HAO1: variants seen among roughly 807,000 people sequenced by gnomAD.
HAO1 encodes the protein hydroxyacid oxidase 1.
In HAO1, 34 loss-of-function variants were observed where a neutral mutation model predicts 39.7. The observed-to-expected ratio is 0.86, with a 90% CI of 0.65 to 1.14. The LOEUF (loss-of-function observed/expected upper bound fraction) is 1.14. Among genes scored for constraint, HAO1 ranks in the 50% most tolerant of loss-of-function variants. HAO1 has a pLI of 0.00. For synonymous variants in HAO1, 172 were observed against 173.2 expected, an observed-to-expected ratio of 0.99 and a Z score of 0.05; for missense variants, 479 against 464.5, an observed-to-expected ratio of 1.03 and a Z score of -0.29.
chr20:7,888,948 G>A (rs759355987), intron 5 of HAO1, among the ~76,000 whole-genome samples: 17 of 152,128 alleles, frequency 1.1e-4, no homozygotes, highest in Admixed American at 2.0e-4. Flanking sequence ...CATCCCTGCT[G>A]AGCTCATCCT....
chr20:7,938,502 G>A (rs762074416), intron 1 of HAO1, among the ~76,000 whole-genome samples: 10 of 152,052 alleles, frequency 6.6e-5, no homozygotes, highest in Non-Finnish European at 1.5e-4. Context: ...CACATAGGAT[G>A]GGAATACTCA....
chr20:7,909,381 A>ATATATATATATATATATATATATG (rs2050266014), intron 3 of HAO1, among the ~76,000 whole-genome samples: 77 of 72,918 alleles, frequency 1.1e-3, no homozygotes, highest in Middle Eastern at 9.8e-3. Context: ...ATATATATGT[A>ATATATATATATATATATATATATG]TATATATATA....
intron 2 of HAO1, among the ~76,000 whole-genome samples, chr20:7,920,300 T>C (rs894950879): frequency 3.3e-5 from 5 of 152,076 alleles, no homozygotes; most frequent in Non-Finnish European, 4.4e-5. Context: ...TCCTGAGGCC[T>C]CCCCAGCCAT....
At position 7,909,380 on chromosome 20, in the gene HAO1, TATATATA is replaced by T. The variant is rs2050265785; in HGVS notation, c.546-3058_546-3052del. Among the ~76,000 whole-genome samples the T allele has an allele frequency of 4.8e-5, 2 of 41,626 alleles. 1 individual carries two copies. The highest frequency in any genetic ancestry group is 2.9e-4 in the African/African-American group (2 of 6,978). 27.3% of individuals were successfully genotyped at this position (41,626 alleles called of 152,430 possible). ...TATGACATATATATATATATATATG[TATATATA>T]TATATATATATATATATGCTTAAAG... On this transcript the variant is annotated intron_variant, in intron 3 of 7. Transcript: ENST00000378789.
At chr20:7,919,794 A>G (rs1005059503) in intron 2 of HAO1, among the ~76,000 whole-genome samples, 1 of 152,102 alleles carries the variant, frequency 6.6e-6, no homozygotes, top group African/African-American at 2.4e-5. Context: ...CTTTGTATGT[A>G]TTTCTAATTT....
chr20:7,907,777 C>G (rs2050255443), intron 3 of HAO1, among the ~76,000 whole-genome samples: 1 of 152,138 alleles, frequency 6.6e-6, no homozygotes, highest in African/African-American at 2.4e-5. Context: ...ACTCTAGGGG[C>G]AATGTCTTTT....
At chr20:7,903,297 T>TC (rs2122764670) in intron 4 of HAO1, among the ~76,000 whole-genome samples, 1 of 152,334 alleles carries the variant, frequency 6.6e-6, no homozygotes, top group African/African-American at 2.4e-5. Context: ...TATCTTTTTT[T>TC]TTTTTTTTGA....
chr20:7,896,607 ATATT>A (rs1314561543), intron 4 of HAO1, among the ~76,000 whole-genome samples: 1 of 152,134 alleles, frequency 6.6e-6, no homozygotes, highest in Non-Finnish European at 1.5e-5. Context: ...TATAGACTAA[ATATT>A]TATATCCTCT....
At chr20:7,902,456 A>AT (rs1430163292) in intron 4 of HAO1, among the ~76,000 whole-genome samples, 1 of 152,192 alleles carries the variant, frequency 6.6e-6, no homozygotes, top group Non-Finnish European at 1.5e-5. Context: ...GGAGTAACGT[A>AT]TTTTTTAATT....
In HAO1 at chr20:7,926,612, A is replaced by G. The variant is rs6140462; in HGVS notation, c.289+7872T>C. On this transcript the variant is annotated intron_variant, in intron 2 of 7. Transcript: ENST00000378789. Reference sequence around the variant, plus strand: ...AATCTTGGAAAATCCAGAAAATTCAACAGCTAAAACTCTCACCTACACCCT... The same window carrying G: ...AATCTTGGAAAATCCAGAAAATTCAGCAGCTAAAACTCTCACCTACACCCT... 2.6e-5 allele frequency among the ~76,000 whole-genome samples: 4 copies of G among 152,292 alleles called. No individual in the cohort carries two copies. In the East Asian group the frequency reaches 7.7e-4, roughly 29 times the overall value.
At chr20:7,940,257 A>T in intron 1 of HAO1, 29 bp downstream of exon 1, 1 of 1,560,848 alleles carries the variant, frequency 6.4e-7, no homozygotes. Context: ...TAATTTTAAA[A>T]CATGATTTTA....
intron 4 of HAO1, among the ~76,000 whole-genome samples, chr20:7,905,102 T>C (rs2050241289): frequency 6.6e-6 from 1 of 152,202 alleles, no homozygotes. Flanking sequence ...TACTACACAT[T>C]GTAGGTATTG....
chr20:7,912,829 C>T (rs979552321), intron 3 of HAO1, among the ~76,000 whole-genome samples: 2 of 152,140 alleles, frequency 1.3e-5, no homozygotes, highest in African/African-American at 4.8e-5. Flanking sequence ...ATCCTGGTGC[C>T]ACATACAGAA....
At chr20:7,905,861 C>G (rs2050245321) in intron 4 of HAO1, among the ~76,000 whole-genome samples, 4 of 152,154 alleles carry the variant, frequency 2.6e-5, no homozygotes, top group Admixed American at 2.6e-4. Flanking sequence ...GACGTTCTAC[C>G]AAGATCTTGC....
intron 4 of HAO1, among the ~76,000 whole-genome samples, chr20:7,900,443 A>G (rs1305422315): frequency 6.6e-6 from 1 of 152,110 alleles, no homozygotes; most frequent in Non-Finnish European, 1.5e-5. Context: ...TATTTTTCTA[A>G]CAGCACGTGC....
Position 7,885,570 on chromosome 20 carries a change from A to T in HAO1, c.993T>A (p.Asp331Glu). 6.2e-7 allele frequency: 1 copy of T among 1,611,636 alleles called. No homozygotes were observed. The highest frequency in any genetic ancestry group is 8.5e-7 in the Non-Finnish European group (1 of 1,177,810). Residue 331 changes from aspartate to glutamate, a missense_variant, in exon 7 of 8, where the codon GAT (aspartate) becomes GAA (glutamate). By Grantham distance (45) the Asp-to-Glu change is conservative. Transcript: ENST00000378789. ...LAFQGEKGVQDVLEILKEEFR... is the reference protein window; with the variant it reads ...LAFQGEKGVQEVLEILKEEFR... Reference sequence around the variant, plus strand: ...ATTCTTCCTTTAGTATCTCGAGGACATCTTGAACACCTTTCTCCCCCTAAC... The same window carrying T: ...ATTCTTCCTTTAGTATCTCGAGGACTTCTTGAACACCTTTCTCCCCCTAAC...
At chr20:7,924,578 G>C (rs1377010572) in intron 2 of HAO1, among the ~76,000 whole-genome samples, 4 of 152,070 alleles carry the variant, frequency 2.6e-5, no homozygotes, top group African/African-American at 9.7e-5. Context: ...AGTTATCAAT[G>C]AGAGTAAATT....
intron 3 of HAO1, among the ~76,000 whole-genome samples, chr20:7,911,166 G>A (rs2122773686): frequency 6.6e-6 from 1 of 152,264 alleles, no homozygotes; most frequent in South Asian, 2.1e-4. Context: ...CAGAGGTCAT[G>A]GAGACCTATT....
chr20:7,932,376 C>G (rs2050389825), intron 2 of HAO1, among the ~76,000 whole-genome samples: 1 of 152,138 alleles, frequency 6.6e-6, no homozygotes, highest in Non-Finnish European at 1.5e-5. Context: ...CTGCTTTTTG[C>G]TTTCTCTGCT....
Sources: gnomAD v4.1 joint callset for allele counts (sites outside exome capture counted in the v4.1 genomes callset) on GRCh38, gnomAD v4.1.1 for gene constraint, MANE v1.5 for transcripts, NCBI Gene and HGNC (gene_info 2026-07-23, HGNC 2026-07-21) for gene names.